The following PRDM5 variants were observed in gnomAD, a reference collection of about 807,000 sequenced individuals.
PRDM5 encodes PR/SET domain 5, also known as PR domain zinc finger protein 5.
In PRDM5, 56 loss-of-function variants were observed where a neutral mutation model predicts 81.2. That is an observed-to-expected ratio of 0.69 (90% CI 0.56 to 0.86). The LOEUF is 0.86. Ranked by LOEUF, PRDM5 falls within the 40% of genes least tolerant of loss-of-function variation. The probability of loss-of-function intolerance (pLI) is 0.00; values close to 1 mark genes in which losing one functional copy is unlikely to be tolerated. For missense variants in PRDM5, 697 were observed against 770.1 expected (o/e 0.91, Z 1.12); for synonymous variants, 267 against 256.4 (o/e 1.04, Z -0.39).
In PRDM5 at chr4:120,829,268, A is replaced by G. The variant is rs78996274; in HGVS notation, c.301-7923T>C. On this transcript the variant is annotated intron_variant, in intron 3 of 15. Transcript: ENST00000264808. ...GTACTGTGGTAATGGTTAGGACCAA[A>G]TGAACTCAAGATGCCTTCCAGTCTA... Among the ~76,000 whole-genome samples, 1,112 of 152,194 alleles carry G rather than the reference A, an allele frequency of 7.3e-3. 18 individuals carry two copies. Among genetic ancestry groups the G allele is most frequent in the African/African-American group, 0.025 (1,036 of 41,540 alleles).
intron 14 of PRDM5, among the ~76,000 whole-genome samples, chr4:120,740,717 A>C (rs1741798603): frequency 1.3e-5 from 2 of 152,122 alleles, no homozygotes; most frequent in African/African-American, 4.8e-5. Flanking sequence ...GTGTCTCCTG[A>C]ATGGGCCTCC....
intron 14 of PRDM5, among the ~76,000 whole-genome samples, chr4:120,747,893 GAAATA>G (rs1464754065): frequency 2.0e-5 from 3 of 152,202 alleles, no homozygotes; most frequent in Admixed American, 6.5e-5. Flanking sequence ...CAGAGTTTCT[GAAATA>G]ACTTTCTAAT....
At chr4:120,738,909 G>T (rs985073883) in intron 14 of PRDM5, among the ~76,000 whole-genome samples, 3 of 151,980 alleles carry the variant, frequency 2.0e-5, no homozygotes, top group Non-Finnish European at 4.4e-5. Context: ...TAATTATTTT[G>T]TTTAATGATA....
intron 2 of PRDM5, among the ~76,000 whole-genome samples, chr4:120,856,169 T>C (rs752886510): frequency 3.9e-5 from 6 of 152,220 alleles, no homozygotes; most frequent in African/African-American, 7.2e-5. Context: ...ATGCACTTCC[T>C]GTCTATCACT....
intron 2 of PRDM5, among the ~76,000 whole-genome samples, chr4:120,857,114 A>G (rs1759965315): frequency 6.6e-6 from 1 of 152,196 alleles, no homozygotes; most frequent in East Asian, 1.9e-4. Flanking sequence ...CCAGCACTTC[A>G]GGAGGACAAG....
chr4:120,799,987 G>A (rs908419783), intron 8 of PRDM5, among the ~76,000 whole-genome samples: 2 of 152,188 alleles, frequency 1.3e-5, no homozygotes, highest in African/African-American at 2.4e-5. Flanking sequence ...TAATACAGCT[G>A]TCCTATTTAG....
intron 10 of PRDM5, among the ~76,000 whole-genome samples, chr4:120,786,223 TATTAGCATAATGTTGGTG>T (rs770518601): frequency 6.6e-6 from 1 of 152,182 alleles, no homozygotes; most frequent in Non-Finnish European, 1.5e-5. Flanking sequence ...AAGCATAATC[TATTAGCATAATGTTGGTG>T]AGAAAGACAT....
intron 14 of PRDM5, among the ~76,000 whole-genome samples, chr4:120,716,879 C>T (rs1308795774): frequency 6.6e-6 from 1 of 152,116 alleles, no homozygotes. Context: ...TTTTCTTTCT[C>T]AGAGAGTAAA....
At chr4:120,897,023 T>C (rs962884350) in intron 2 of PRDM5, 6 of 149,708 alleles carry the variant, frequency 4.0e-5, no homozygotes, top group Non-Finnish European at 8.9e-5. Context: ...TTTCAGTAAA[T>C]CCAAAGTAGC....
chr4:120,714,525 C>G (rs1007287864), intron 14 of PRDM5, among the ~76,000 whole-genome samples: 1 of 152,156 alleles, frequency 6.6e-6, no homozygotes, highest in Non-Finnish European at 1.5e-5. Flanking sequence ...GATACAATCT[C>G]ATTTTTCTCA....
At chr4:120,798,768 A>G (rs3804173) in intron 9 of PRDM5, among the ~76,000 whole-genome samples, 46,449 of 151,904 alleles carry the variant, frequency 0.31, 7,133 homozygotes, top group East Asian at 0.37. Flanking sequence ...GACCTGACAG[A>G]GATGGAGACA....
intron 10 of PRDM5, among the ~76,000 whole-genome samples, chr4:120,785,482 G>A (rs1466575143): frequency 6.6e-6 from 1 of 152,064 alleles, no homozygotes; most frequent in African/African-American, 2.4e-5. Context: ...TTGCAACACA[G>A]ATAAAAGAAA....
At chr4:120,872,150 C>CAAAAAAAAAA (rs70948365) in intron 2 of PRDM5, among the ~76,000 whole-genome samples, 1 of 41,836 alleles carries the variant, frequency 2.4e-5, no homozygotes, top group African/African-American at 1.2e-4. Flanking sequence ...GACTCCATCT[C>CAAAAAAAAAA]AAAAAAAAAA....
At position 120,794,175 on chromosome 4, in the gene PRDM5, T is replaced by C. The variant is rs986925945; in HGVS notation, c.1188+4092A>G. On this transcript the variant is annotated intron_variant, in intron 10 of 15. Transcript: ENST00000264808. Reference sequence around the variant, plus strand: ...CAAAGATAGGTGATTTTGTACAATATAGCAACACCTTAAATGAATGGGTAC... The same window carrying C: ...CAAAGATAGGTGATTTTGTACAATACAGCAACACCTTAAATGAATGGGTAC... 3.3e-5 allele frequency among the ~76,000 whole-genome samples: 5 copies of C among 152,256 alleles called. No individual in the cohort carries two copies. The East Asian group carries it at 5.8e-4, about 18-fold the overall frequency.
chr4:120,776,293 G>A lies in PRDM5; in HGVS notation c.1537+895C>T, dbSNP rs72921533. On this transcript the variant is annotated intron_variant, in intron 13 of 15. Coordinates refer to ENST00000264808, the MANE Select transcript of PRDM5 (RefSeq NM_018699.4). Reference sequence around the variant, plus strand: ...AGAAAATTAAAAATTATGCTCCAAGGGTGTCCCTTCCTCCACCTATATCTA... The same window carrying A: ...AGAAAATTAAAAATTATGCTCCAAGAGTGTCCCTTCCTCCACCTATATCTA... Among the ~76,000 whole-genome samples the A allele has an allele frequency of 2.3e-3, 352 of 152,178 alleles. 1 individual carries two copies. Among genetic ancestry groups the A allele is most frequent in the African/African-American group, 7.9e-3 (329 of 41,512 alleles).
At chr4:120,748,123 T>C (rs1042369673) in intron 14 of PRDM5, among the ~76,000 whole-genome samples, 2 of 152,194 alleles carry the variant, frequency 1.3e-5, no homozygotes, top group Non-Finnish European at 2.9e-5. Flanking sequence ...TGATCCATAG[T>C]TCCTAAGACT....
At chr4:120,781,846 C>T (rs578194228) in intron 11 of PRDM5, among the ~76,000 whole-genome samples, 4 of 152,324 alleles carry the variant, frequency 2.6e-5, no homozygotes, top group Non-Finnish European at 5.9e-5. Context: ...AATGCCCCTG[C>T]TTCCTGGACT....
At chr4:120,799,949 G>C (rs553906783) in intron 8 of PRDM5, among the ~76,000 whole-genome samples, 13 of 152,142 alleles carry the variant, frequency 8.5e-5, no homozygotes, top group African/African-American at 2.7e-4. Context: ...TATCTTTTGA[G>C]ACATAATACT....
chr4:120,808,838 G>A (rs544314607), intron 8 of PRDM5, among the ~76,000 whole-genome samples: 50 of 152,210 alleles, frequency 3.3e-4, no homozygotes, highest in Non-Finnish European at 5.7e-4. Context: ...CCCAGGGTTT[G>A]CGGGCTGGCC....
Sources: gnomAD v4.1 joint callset for allele counts (sites outside exome capture counted in the v4.1 genomes callset) on GRCh38, gnomAD v4.1.1 for gene constraint, MANE v1.5 for transcripts, NCBI Gene and HGNC (gene_info 2026-07-23, HGNC 2026-07-21) for gene names.